The following SYT14 variants were observed in gnomAD, a reference collection of about 807,000 sequenced individuals.
SYT14 encodes the protein synaptotagmin-14.
SYT14 carries 32 observed loss-of-function variants against 74.2 expected under a neutral mutation model. That is an observed-to-expected ratio of 0.43 (90% CI 0.33 to 0.58). SYT14 has a LOEUF of 0.58. Among genes scored for constraint, SYT14 ranks in the 20% least tolerant of loss-of-function variants. SYT14 has a pLI of 0.05. For synonymous variants in SYT14, 298 were observed against 337.7 expected (o/e 0.88, Z 1.29); for missense variants, 791 against 981.8 (o/e 0.81, Z 2.60).
chr1:209,998,150 C>T (rs1174317927), intron 2 of SYT14, among the ~76,000 whole-genome samples: 1 of 151,698 alleles, frequency 6.6e-6, no homozygotes, highest in Non-Finnish European at 1.5e-5. Flanking sequence ...TGTAGTATTT[C>T]TATACACCAA....
chr1:210,023,308 A>G (rs911367941), intron 5 of SYT14, among the ~76,000 whole-genome samples: 3 of 152,172 alleles, frequency 2.0e-5, no homozygotes, highest in East Asian at 1.9e-4. Flanking sequence ...TGTTAGTCAC[A>G]TGAACAAAGT....
At chr1:210,002,238 G>A (rs578256412) in intron 2 of SYT14, among the ~76,000 whole-genome samples, 17 of 152,048 alleles carry the variant, frequency 1.1e-4, no homozygotes, top group African/African-American at 2.4e-4. Context: ...GTAGAATGCC[G>A]CCATTTCTTC....
At chr1:210,013,602 T>C in intron 2 of SYT14, 31 bp from the exon 3 acceptor site, 1 of 1,597,538 alleles carries the variant, frequency 6.3e-7, no homozygotes, top group East Asian at 2.2e-5. Context: ...GAAAAATAAA[T>C]GCTTACAGCT....
chr1:210,032,021 C>T (rs77376484), intron 5 of SYT14, among the ~76,000 whole-genome samples: 1,930 of 152,122 alleles, frequency 0.013, 16 homozygotes, highest in Non-Finnish European at 0.022. Context: ...TGACTATGCC[C>T]GGAAGTAGAA....
At chr1:210,061,334 G>A (rs1301188482) in intron 5 of SYT14, among the ~76,000 whole-genome samples, 1 of 151,896 alleles carries the variant, frequency 6.6e-6, no homozygotes, top group African/African-American at 2.4e-5. Flanking sequence ...AAGCTTCTGG[G>A]AAGAAAAATT....
chr1:210,151,337 G>T (rs1351601953), intron 7 of SYT14, among the ~76,000 whole-genome samples: 6 of 152,134 alleles, frequency 3.9e-5, no homozygotes, highest in Admixed American at 6.5e-5. Context: ...ATGCCCTGAG[G>T]AGTAGTCTGA....
At chr1:209,983,425 G>A (rs7525980) in intron 2 of SYT14, among the ~76,000 whole-genome samples, 99,814 of 151,818 alleles carry the variant, frequency 0.66, 33,780 homozygotes, top group East Asian at 0.85. Flanking sequence ...CTCAAAGTGG[G>A]TCATTTCAAT....
chr1:210,166,727 G>A (rs2083459810), exon 10 of SYT14: 1 of 152,154 alleles, frequency 6.6e-6, no homozygotes, highest in Non-Finnish European at 1.5e-5. Flanking sequence ...CTGGAAGGGA[G>A]CCCAATAATC....
At chr1:210,136,674 G>A (rs191465625) in intron 7 of SYT14, among the ~76,000 whole-genome samples, 72 of 152,202 alleles carry the variant, frequency 4.7e-4, no homozygotes, top group Non-Finnish European at 9.0e-4. Context: ...CAGTTGAGTG[G>A]GCAAATTATG....
chr1:209,942,611 TAA>T (rs2078754018), intron 1 of SYT14, among the ~76,000 whole-genome samples: 1 of 152,202 alleles, frequency 6.6e-6, no homozygotes, highest in African/African-American at 2.4e-5. Context: ...TTTCCAGTGT[TAA>T]GTTTCCTTCC....
At chr1:210,052,757 A>G (rs1175864865) in intron 5 of SYT14, among the ~76,000 whole-genome samples, 2 of 151,098 alleles carry the variant, frequency 1.3e-5, no homozygotes, top group African/African-American at 4.9e-5. Context: ...GGCAGAAAAC[A>G]TTATAAATGC....
exon 10 of SYT14, chr1:210,161,676 T>C (rs2083375374): frequency 2.2e-6 from 1 of 453,642 alleles, no homozygotes. Flanking sequence ...ATTTTTTTAA[T>C]ATGTTATTTT....
At chr1:210,100,539 C>G in intron 7 of SYT14, 78 bp downstream of exon 6, 1 of 1,416,878 alleles carries the variant, frequency 7.1e-7, no homozygotes. Flanking sequence ...AATCTTTAAT[C>G]AAGCCAACAA....
intron 2 of SYT14, among the ~76,000 whole-genome samples, chr1:210,010,882 A>G (rs141370380): frequency 2.3e-3 from 355 of 152,308 alleles, no homozygotes; most frequent in African/African-American, 7.8e-3. Context: ...TCAATTTACA[A>G]TGGGGATGAT....
In SYT14 at chr1:210,041,003, A is replaced by G. The variant is rs147795616; in HGVS notation, c.1312+19749A>G. 8.2e-3 allele frequency among the ~76,000 whole-genome samples: 1,245 copies of G among 152,262 alleles called. 63 individuals are homozygous for G. The highest frequency in any genetic ancestry group is 0.07 in the Admixed American group (1,063 of 15,294). On this transcript the variant is annotated intron_variant, in intron 5 of 9. Transcript: ENST00000637265. The stretch of plus-strand genomic sequence containing the variant: ...CAATATGGTGCCTGTGGTGGCTTCC[A>G]TTGCCACCTTTAGTTTTTTTCAGAG...
chr1:210,109,727 A>G (rs2082226479), intron 7 of SYT14, among the ~76,000 whole-genome samples: 1 of 152,240 alleles, frequency 6.6e-6, no homozygotes, highest in Non-Finnish European at 1.5e-5. Flanking sequence ...TCAAGGATCT[A>G]GAACCAGAAA....
chr1:210,016,557 G>T (rs1014562039), exon 4 of SYT14: 2 of 1,231,824 alleles, frequency 1.6e-6, no homozygotes, highest in Non-Finnish European at 2.0e-6. Context: ...TCCAATAATG[G>T]TAAGAATGAT....
exon 7 of SYT14, chr1:210,100,087 C>A: frequency 1.2e-6 from 2 of 1,614,128 alleles, no homozygotes; most frequent in Non-Finnish European, 1.7e-6. Context: ...ATATGGCACA[C>A]TGGATGTGAC....
At chr1:210,081,416 A>T (rs1412003519) in intron 5 of SYT14, among the ~76,000 whole-genome samples, 1 of 152,242 alleles carries the variant, frequency 6.6e-6, no homozygotes, top group Non-Finnish European at 1.5e-5. Context: ...CAATAAAGCA[A>T]GTAACACGAT....
Sources: gnomAD v4.1 joint callset for allele counts (sites outside exome capture counted in the v4.1 genomes callset) on GRCh38, gnomAD v4.1.1 for gene constraint, MANE v1.5 for transcripts, NCBI Gene and HGNC (gene_info 2026-07-23, HGNC 2026-07-21) for gene names.